CDK12: variants seen among roughly 807,000 people sequenced by gnomAD.
The protein encoded by CDK12 is cyclin-dependent kinase 12.
CDK12 carries 17 observed loss-of-function variants against 133.8 expected under a neutral mutation model. The ratio of observed to expected loss-of-function variants is 0.13; its 90% CI spans 0.09 to 0.19. The LOEUF is 0.19. CDK12 is among the 10% of genes least tolerant of loss of function. The pLI is 1.00. For missense variants in CDK12, 1,508 were observed against 1,818.7 expected (o/e 0.83, Z 3.11); for synonymous variants, 694 against 683.6 (o/e 1.02, Z -0.24).
At chr17:39,562,174 G>A (rs557522377) in intron 3 of CDK12, among the ~76,000 whole-genome samples, 3 of 152,164 alleles carry the variant, frequency 2.0e-5, no homozygotes, top group South Asian at 2.1e-4. Context: ...TTCTGACCTC[G>A]TGATCCACCC....
chr17:39,506,404 G>A (rs1305769200), intron 6 of CDK12, among the ~76,000 whole-genome samples: 1 of 150,676 alleles, frequency 6.6e-6, no homozygotes, highest in Admixed American at 6.7e-5. Flanking sequence ...TAGTAGAGAC[G>A]GGGTTTCACC....
At chr17:39,553,632 G>A (rs923198567) in intron 2 of CDK12, among the ~76,000 whole-genome samples, 1 of 152,202 alleles carries the variant, frequency 6.6e-6, no homozygotes, top group African/African-American at 2.4e-5. Flanking sequence ...TCATTTCCAT[G>A]TGTCTATGTT....
chr17:39,471,808 T>C, intron 2 of CDK12, 45 bp downstream of exon 2: 1 of 1,480,238 alleles, frequency 6.8e-7, no homozygotes, highest in Non-Finnish European at 9.2e-7. Flanking sequence ...GATCTAAACA[T>C]AAAGCATTTT....
At chr17:39,482,620 T>TTTTTTTTTTTTTGG (rs2050807128) in intron 2 of CDK12, among the ~76,000 whole-genome samples, 1 of 145,958 alleles carries the variant, frequency 6.9e-6, no homozygotes, top group Non-Finnish European at 1.5e-5. Flanking sequence ...TTTTTTTTTT[T>TTTTTTTTTTTTTGG]GAGGCAGAGT....
intron 6 of CDK12, among the ~76,000 whole-genome samples, chr17:39,503,182 C>T (rs1414974826): frequency 6.6e-6 from 1 of 152,182 alleles, no homozygotes; most frequent in East Asian, 1.9e-4. Context: ...AAGCGATGCT[C>T]CTGCCTCAGC....
chr17:39,478,768 T>C (rs2145448196), intron 2 of CDK12, among the ~76,000 whole-genome samples: 1 of 152,252 alleles, frequency 6.6e-6, no homozygotes, highest in East Asian at 1.9e-4. Context: ...AGAGCTACAG[T>C]GAGCCATGAT....
At chr17:39,486,231 CAT>C in intron 2 of CDK12, among the ~76,000 whole-genome samples, 1 of 146,490 alleles carries the variant, frequency 6.8e-6, no homozygotes, top group Non-Finnish European at 1.5e-5. Context: ...GGATTACAGA[CAT>C]GAGCCACTGC....
At chr17:39,565,259 G>A (rs561737718), downstream of CDK12, among the ~76,000 whole-genome samples, 90 of 152,032 alleles carry the variant, frequency 5.9e-4, no homozygotes, top group Non-Finnish European at 1.0e-3. Context: ...AACTATAGGC[G>A]CCCGCCACCA....
intron 6 of CDK12, among the ~76,000 whole-genome samples, chr17:39,505,184 G>A (rs1451418625): frequency 4.2e-5 from 6 of 142,096 alleles, no homozygotes; most frequent in African/African-American, 1.6e-4. Context: ...AGCTGAGATC[G>A]CGCCACTGCA....
chr17:39,523,710 G>A (rs566568216), intron 11 of CDK12, among the ~76,000 whole-genome samples: 1 of 152,174 alleles, frequency 6.6e-6, no homozygotes, highest in Admixed American at 6.5e-5. Flanking sequence ...CTGGAGTGCA[G>A]TGGTGTGATC....
chr17:39,484,522 G>A (rs2050966199), intron 2 of CDK12, among the ~76,000 whole-genome samples: 2 of 152,078 alleles, frequency 1.3e-5, no homozygotes, highest in South Asian at 4.1e-4. Context: ...TTGTAGTTTT[G>A]AGGCTGTCAT....
chr17:39,495,869 T>A (rs917141422), intron 5 of CDK12, among the ~76,000 whole-genome samples: 1 of 152,034 alleles, frequency 6.6e-6, no homozygotes, highest in Non-Finnish European at 1.5e-5. Flanking sequence ...GGAAAACCAC[T>A]GAAGTATTAA....
chr17:39,500,107 T>C (rs1040037142), intron 5 of CDK12, among the ~76,000 whole-genome samples: 2 of 152,114 alleles, frequency 1.3e-5, no homozygotes, highest in East Asian at 3.8e-4. Flanking sequence ...GGTGGAAGGA[T>C]TGCCTGAGCC....
chr17:39,524,585 CTT>C, intron 11 of CDK12, 87 bp from the exon 12 acceptor site: 2 of 1,154,054 alleles, frequency 1.7e-6, no homozygotes, highest in South Asian at 2.7e-5. Flanking sequence ...TTCCCACAGT[CTT>C]TGCCTTCCCA....
intron 3 of CDK12, among the ~76,000 whole-genome samples, chr17:39,563,796 G>T (rs945817360): frequency 1.3e-5 from 2 of 149,998 alleles, no homozygotes; most frequent in African/African-American, 2.5e-5. Flanking sequence ...AGTGAGGAAG[G>T]GGGGAGAGAA....
chr17:39,497,999 C>G (rs1166551253), intron 5 of CDK12, among the ~76,000 whole-genome samples: 2 of 121,302 alleles, frequency 1.6e-5, no homozygotes, highest in Non-Finnish European at 3.5e-5. Flanking sequence ...CTCTCTCTTT[C>G]TCTCTTTCTT....
At chr17:39,466,147 A>C (rs2049287362) in intron 1 of CDK12, among the ~76,000 whole-genome samples, 1 of 151,660 alleles carries the variant, frequency 6.6e-6, no homozygotes, top group Non-Finnish European at 1.5e-5. Flanking sequence ...GTCCCTACTA[A>C]AAATACAAAA....
In CDK12 at chr17:39,530,882, G is replaced by A. The variant is rs2146836889; in HGVS notation, c.4039G>A (p.Gly1347Arg). ...TYGNTDGPET[G>R]FSAIDTDERN... is the part of the protein sequence containing the mutation. ...TGGAAACACTGATGGGCCTGAAACA[G>A]GGTTCAGTGCCATTGACACTGATGA... The change falls in exon 14 of 14, where the codon GGG becomes AGG. Residue 1347 changes from glycine (G) to arginine (R), a missense_variant. Coordinates refer to ENST00000447079, the MANE Select transcript of CDK12 (RefSeq NM_016507.4). 3 of 1,614,200 alleles carry A rather than the reference G, an allele frequency of 1.9e-6. No homozygotes were observed. The highest frequency in any genetic ancestry group is 1.1e-5 in the South Asian group (1 of 91,080).
intron 2 of CDK12, among the ~76,000 whole-genome samples, chr17:39,486,410 T>G (rs971599751): frequency 1.3e-5 from 2 of 151,770 alleles, no homozygotes; most frequent in African/African-American, 4.8e-5. Flanking sequence ...GGACCAGAAG[T>G]GCATGCCACC....
Sources: gnomAD v4.1 joint callset for allele counts (sites outside exome capture counted in the v4.1 genomes callset) on GRCh38, gnomAD v4.1.1 for gene constraint, MANE v1.5 for transcripts, NCBI Gene and HGNC (gene_info 2026-07-23, HGNC 2026-07-21) for gene names.